DLC1: variants seen among roughly 807,000 people sequenced by gnomAD.
DLC1 encodes the protein rho GTPase-activating protein 7.
DLC1 carries 54 observed loss-of-function variants against 140.3 expected under a neutral mutation model. The observed-to-expected ratio is 0.38, with a 90% CI of 0.31 to 0.48. The LOEUF (loss-of-function observed/expected upper bound fraction) is 0.48, where lower values mean the gene tolerates loss of function less well. DLC1 is among the 20% of genes least tolerant of loss of function. DLC1 has a pLI of 0.96. For missense variants in DLC1, 2,536 were observed against 1,907.0 expected (o/e 1.33, Z -6.14); for synonymous variants, 986 against 728.1 (o/e 1.35, Z -5.70).
intron 5 of DLC1, among the ~76,000 whole-genome samples, chr8:13,175,355 GT>G (rs1825703952): frequency 6.7e-6 from 1 of 148,408 alleles, no homozygotes; most frequent in Non-Finnish European, 1.5e-5. Context: ...CTCGTTTTTG[GT>G]TTGATATGAA....
At chr8:13,223,520 A>C (rs1272382899) in intron 5 of DLC1, among the ~76,000 whole-genome samples, 1 of 152,236 alleles carries the variant, frequency 6.6e-6, no homozygotes, top group African/African-American at 2.4e-5. Context: ...AGTGATATTC[A>C]TTAAATATGG....
At chr8:13,426,847 G>C (rs1441245006) in intron 2 of DLC1, among the ~76,000 whole-genome samples, 1 of 152,074 alleles carries the variant, frequency 6.6e-6, no homozygotes, top group African/African-American at 2.4e-5. Flanking sequence ...AGATCCTCCA[G>C]TTTTTGCTGC....
chr8:13,265,706 T>G (rs540562762), intron 5 of DLC1, among the ~76,000 whole-genome samples: 6 of 151,514 alleles, frequency 4.0e-5, no homozygotes, highest in Non-Finnish European at 7.4e-5. Flanking sequence ...TCCTCTCCTC[T>G]CCTCTTCTCT....
intron 5 of DLC1, among the ~76,000 whole-genome samples, chr8:13,181,896 C>T (rs1008618499): frequency 1.3e-5 from 2 of 152,118 alleles, no homozygotes; most frequent in African/African-American, 4.8e-5. Context: ...GTTCTAGATC[C>T]TCGAGGAATC....
At chr8:13,140,216 TTATATC>T (rs979672502) in intron 5 of DLC1, among the ~76,000 whole-genome samples, 2 of 152,192 alleles carry the variant, frequency 1.3e-5, no homozygotes, top group South Asian at 2.1e-4. Flanking sequence ...CTTAACAAGT[TTATATC>T]TATATCTATA....
At chr8:13,512,866 A>G (rs1454469950) in intron 1 of DLC1, among the ~76,000 whole-genome samples, 1 of 152,098 alleles carries the variant, frequency 6.6e-6, no homozygotes, top group Non-Finnish European at 1.5e-5. Context: ...TCATAAAGCA[A>G]GTTACTACTG....
At chr8:13,236,826 C>G (rs192321337) in intron 5 of DLC1, among the ~76,000 whole-genome samples, 15 of 151,866 alleles carry the variant, frequency 9.9e-5, no homozygotes, top group Non-Finnish European at 2.2e-4. Flanking sequence ...TGCTACTTGC[C>G]CATGAGAAGT....
intron 2 of DLC1, among the ~76,000 whole-genome samples, chr8:13,446,856 C>A (rs181101921): frequency 1.3e-5 from 2 of 151,770 alleles, no homozygotes; most frequent in South Asian, 2.1e-4. Context: ...GCAGAAGAAT[C>A]GCTTGAACCC....
rs144003246 is a variant in DLC1 at position 13,310,389 on chromosome 8, C to A, written c.1315-5087G>T. Among the ~76,000 whole-genome samples, 11 of 152,286 alleles carry A rather than the reference C, an allele frequency of 7.2e-5. No individual in the cohort carries two copies. In the East Asian group the frequency reaches 2.1e-3, roughly 29 times the overall value. On this transcript the variant is annotated intron_variant, in intron 4 of 17. Coordinates refer to ENST00000276297, the MANE Select transcript of DLC1 (RefSeq NM_182643.3). ...CTTTCCCTTTAAAACATTCACTTTT[C>A]TTCCCACAAAAATTTGTTCCACAAA...
At chr8:13,424,498 T>C (rs1271384948) in intron 2 of DLC1, among the ~76,000 whole-genome samples, 2 of 151,982 alleles carry the variant, frequency 1.3e-5, no homozygotes, top group Non-Finnish European at 2.9e-5. Context: ...CAAAAAATAA[T>C]AATAACAATA....
intron 5 of DLC1, among the ~76,000 whole-genome samples, chr8:13,116,959 G>C (rs1021339033): frequency 1.2e-4 from 19 of 152,242 alleles, no homozygotes; most frequent in Admixed American, 1.2e-3. Flanking sequence ...GCGAATGATA[G>C]TGACATCAGT....
Position 13,109,307 on chromosome 8 carries a change from C to T in DLC1, c.1502+1435G>A, listed in dbSNP as rs1278892497. 2.6e-5 allele frequency among the ~76,000 whole-genome samples: 4 copies of T among 152,068 alleles called. No homozygotes were observed. In the East Asian group the frequency reaches 5.8e-4, roughly 22 times the overall value. On this transcript the variant is annotated intron_variant, in intron 7 of 17. Coordinates refer to ENST00000276297, the MANE Select transcript of DLC1 (RefSeq NM_182643.3). The stretch of plus-strand genomic sequence containing the variant: ...GTGTGGTGGCTCACTCCTGTAATCC[C>T]AGCACTTTGGGAGGCCGAGATGGAT...
rs748117798 is a variant in DLC1 at position 13,102,780 on chromosome 8, G to C, written c.1566+10C>G. 8 of 1,612,478 alleles carry C rather than the reference G, an allele frequency of 5.0e-6. No individual in the cohort carries two copies. Among genetic ancestry groups the C allele is most frequent in the African/African-American group, 2.7e-5 (2 of 74,986 alleles). On this transcript the variant is annotated intron_variant, in intron 8 of 17. Transcript: ENST00000276297. ...TCCCCCTCATTCTATTATGCAATTT[G>C]TATACTCACTCGTTTCCGATGAGGA...
chr8:13,196,522 A>G (rs933006072), intron 5 of DLC1, among the ~76,000 whole-genome samples: 5 of 152,284 alleles, frequency 3.3e-5, no homozygotes, highest in East Asian at 3.9e-4. Flanking sequence ...TAGGCTTACT[A>G]TGAACCATGA....
At chr8:13,193,716 T>C (rs1826891086) in intron 5 of DLC1, among the ~76,000 whole-genome samples, 1 of 152,210 alleles carries the variant, frequency 6.6e-6, no homozygotes, top group Non-Finnish European at 1.5e-5. Context: ...AAAGGATGAT[T>C]CAACCTCTTT....
chr8:13,398,632 A>T (rs1356481572), intron 3 of DLC1, among the ~76,000 whole-genome samples: 1 of 141,024 alleles, frequency 7.1e-6, no homozygotes, highest in Non-Finnish European at 1.5e-5. Context: ...AAAATTAGCC[A>T]GCCATGGCGA....
chr8:13,239,110 G>A (rs182458349), intron 5 of DLC1, among the ~76,000 whole-genome samples: 5 of 152,302 alleles, frequency 3.3e-5, no homozygotes, highest in Non-Finnish European at 7.3e-5. Flanking sequence ...GTTTGAGTGT[G>A]CGTATCTGGG....
chr8:13,205,628 A>G (rs1827623206), intron 5 of DLC1, among the ~76,000 whole-genome samples: 1 of 152,150 alleles, frequency 6.6e-6, no homozygotes, highest in Non-Finnish European at 1.5e-5. Flanking sequence ...AAAATAGCAA[A>G]AAATTCTTCT....
intron 1 of DLC1, among the ~76,000 whole-genome samples, chr8:13,549,297 G>C (rs1314402987): frequency 1.3e-5 from 2 of 152,042 alleles, no homozygotes; most frequent in African/African-American, 4.8e-5. Context: ...ACAATTGTAT[G>C]AAAAGAAACT....
Sources: gnomAD v4.1 joint callset for allele counts (sites outside exome capture counted in the v4.1 genomes callset) on GRCh38, gnomAD v4.1.1 for gene constraint, MANE v1.5 for transcripts, NCBI Gene and HGNC (gene_info 2026-07-23, HGNC 2026-07-21) for gene names.